Variants in SMCHD1 observed in about 807,000 individuals in gnomAD.
SMCHD1 encodes structural maintenance of chromosomes flexible hinge domain-containing protein 1.
In SMCHD1, 78 loss-of-function variants were observed where a neutral mutation model predicts 254.7. The observed-to-expected ratio is 0.31, with a 90% CI of 0.26 to 0.37. The LOEUF (loss-of-function observed/expected upper bound fraction) is 0.37. Ranked by LOEUF, SMCHD1 falls within the 10% of genes least tolerant of loss-of-function variation. SMCHD1 has a pLI of 1.00. For synonymous variants in SMCHD1, 766 were observed against 794.9 expected, an observed-to-expected ratio of 0.96 and a Z score of 0.61; for missense variants, 1,840 against 2,408.1, an observed-to-expected ratio of 0.76 and a Z score of 4.94.
At chr18:2,707,769 T>G (rs753460324) in intron 16 of SMCHD1, 38 bp from the exon 17 acceptor site, 219 of 1,547,420 alleles carry the variant, frequency 1.4e-4, no homozygotes, top group Non-Finnish European at 1.8e-4. Flanking sequence ...AGCAAATTTT[T>G]GGGTGTAATT....
At chr18:2,770,246 G>A (rs1332173556) in intron 39 of SMCHD1, 138 bp downstream of exon 39, 8 of 777,142 alleles carry the variant, frequency 1.0e-5, no homozygotes, top group Non-Finnish European at 1.6e-5. Context: ...GGTAATGATG[G>A]TTGATACTGT....
chr18:2,728,280 A>T, intron 22 of SMCHD1, 177 bp from the exon 23 acceptor site: 1 of 597,220 alleles, frequency 1.7e-6, no homozygotes. Context: ...CTTGTCATGT[A>T]TTGAATCTGT....
chr18:2,770,924 C>A (rs1441662026), intron 39 of SMCHD1, among the ~76,000 whole-genome samples: 1 of 152,084 alleles, frequency 6.6e-6, no homozygotes, highest in Non-Finnish European at 1.5e-5. Flanking sequence ...ACCCAGCCTA[C>A]GTTTGCTGCA....
rs10601895 is a variant in SMCHD1 at position 2,775,068 on chromosome 18, ATTTTTTTTTTTTTTTT to A, written c.5176-650_5176-635del. 9.4e-4 allele frequency among the ~76,000 whole-genome samples: 69 copies of A among 73,068 alleles called. 1 individual carries two copies. Among genetic ancestry groups the A allele is most frequent in the African/African-American group, 2.5e-3 (56 of 22,422 alleles). 47.9% of individuals were successfully genotyped at this position (73,068 alleles called of 152,430 possible). The stretch of plus-strand genomic sequence containing the variant: ...CCTAGAAACAGAAGCAAAAGGAACA[ATTTTTTTTTTTTTTTT>A]TTTTTTTTTTTTTTTGGAGACAGGG... On this transcript the variant is annotated intron_variant, in intron 41 of 47. Transcript: ENST00000320876.
intron 1 of SMCHD1, among the ~76,000 whole-genome samples, chr18:2,662,205 AAAGAAAG>A (rs1324756022): frequency 2.9e-5 from 1 of 34,814 alleles, no homozygotes; most frequent in Non-Finnish European, 5.2e-5. Context: ...ATAAATAAAG[AAAGAAAG>A]AAAGAAAGAA....
At position 2,675,307 on chromosome 18, in the gene SMCHD1, C is replaced by T. The variant is rs572436080; in HGVS notation, c.638+1162C>T. Reference sequence around the variant, plus strand: ...GGAGACAGAGTCTCGCTCTGTCATCCAGGCTGAAGTGCAGTTGTGCAATCT... The same window carrying T: ...GGAGACAGAGTCTCGCTCTGTCATCTAGGCTGAAGTGCAGTTGTGCAATCT... On this transcript the variant is annotated intron_variant, in intron 5 of 47. Transcript: ENST00000320876. 3.4e-4 allele frequency among the ~76,000 whole-genome samples: 50 copies of T among 148,132 alleles called. 2 individuals carry two copies. In the South Asian group the frequency reaches 9.5e-3, roughly 28 times the overall value.
At chr18:2,762,776 C>G (rs984192837) in intron 36 of SMCHD1, among the ~76,000 whole-genome samples, 2 of 152,188 alleles carry the variant, frequency 1.3e-5, no homozygotes, top group African/African-American at 4.8e-5. Flanking sequence ...CTGTGAACCA[C>G]CACACCCAGC....
chr18:2,766,401 T>G (rs2075869605), intron 37 of SMCHD1, among the ~76,000 whole-genome samples: 1 of 152,204 alleles, frequency 6.6e-6, no homozygotes, highest in South Asian at 2.1e-4. Context: ...CAGCTGTATA[T>G]AAAAATCTCT....
At position 2,682,685 on chromosome 18, in the gene SMCHD1, A is replaced by T. The variant is rs1156275098; in HGVS notation, c.639-5709A>T. 3.3e-5 allele frequency among the ~76,000 whole-genome samples: 5 copies of T among 152,346 alleles called. No individual in the cohort carries two copies. In the East Asian group the frequency reaches 9.6e-4, roughly 29 times the overall value. On this transcript the variant is annotated intron_variant, in intron 5 of 47. Coordinates refer to ENST00000320876, the MANE Select transcript of SMCHD1 (RefSeq NM_015295.3). ...TTGTTTCCATCAAAATTTCCCAAAGATTAAGTGTCCTTTCATTGTATGAAG... is the reference window on the plus strand; with the variant it reads ...TTGTTTCCATCAAAATTTCCCAAAGTTTAAGTGTCCTTTCATTGTATGAAG...
At chr18:2,751,132 C>T (rs2075562876) in intron 32 of SMCHD1, 146 bp from the exon 33 acceptor site, 2 of 546,954 alleles carry the variant, frequency 3.7e-6, no homozygotes, top group Non-Finnish European at 3.1e-6. Flanking sequence ...AGAATTTATA[C>T]ATTTCTTCAT....
In SMCHD1 at chr18:2,679,044, C is replaced by T. The variant is rs1458142046; in HGVS notation, c.638+4899C>T. Among the ~76,000 whole-genome samples, 18 of 151,006 alleles carry T rather than the reference C, an allele frequency of 1.2e-4. No homozygotes were observed. The South Asian group carries it at 1.7e-3, about 14-fold the overall frequency. ...TGTATTTTTAGTAGAGTCGAGGTTTCGCCATATTGGCCAGGCTGGTCTTGA... is the reference window on the plus strand; with the variant it reads ...TGTATTTTTAGTAGAGTCGAGGTTTTGCCATATTGGCCAGGCTGGTCTTGA... On this transcript the variant is annotated intron_variant, in intron 5 of 47. Coordinates refer to ENST00000320876, the MANE Select transcript of SMCHD1 (RefSeq NM_015295.3).
chr18:2,701,069 C>A, intron 12 of SMCHD1, 151 bp downstream of exon 12: 1 of 513,716 alleles, frequency 1.9e-6, no homozygotes, highest in Non-Finnish European at 3.2e-6. Flanking sequence ...GTTCACATTA[C>A]TAAAAAATTT....
Position 2,685,100 on chromosome 18 carries a change from TTC to T in SMCHD1, c.639-3292_639-3291del, listed in dbSNP as rs1306673077. The stretch of plus-strand genomic sequence containing the variant: ...CTGTTCTGTTCTGTCCCTTATTTTT[TTC>T]TTTTTTTTTTTTTTTTGAGACGAGT... On this transcript the variant is annotated intron_variant, in intron 5 of 47. Transcript: ENST00000320876. Among the ~76,000 whole-genome samples the T allele has an allele frequency of 7.7e-5, 10 of 129,112 alleles. 1 individual carries two copies. Among genetic ancestry groups the T allele is most frequent in the Non-Finnish European group, 1.2e-4 (7 of 59,558 alleles). The allele number at this position is 129,112 out of a possible 152,430, so 84.7% of individuals were successfully genotyped here.
chr18:2,774,041 T>C (rs1375882259), intron 41 of SMCHD1, among the ~76,000 whole-genome samples: 17 of 152,214 alleles, frequency 1.1e-4, no homozygotes, highest in African/African-American at 4.1e-4. Flanking sequence ...CTCAAGTAAC[T>C]TAGATATTTT....
intron 30 of SMCHD1, among the ~76,000 whole-genome samples, chr18:2,747,961 G>A (rs895654883): frequency 1.3e-5 from 2 of 152,124 alleles, no homozygotes; most frequent in South Asian, 4.1e-4. Context: ...AGTGAATGAA[G>A]ACAGATATCA....
In SMCHD1 at chr18:2,729,412, A is replaced by G. The variant is rs2075092247; in HGVS notation, c.3048+3A>G. On this transcript the variant is annotated splice_donor_region_variant and intron_variant, in intron 24 of 47. Transcript: ENST00000320876. Reference sequence around the variant, plus strand: ...TTAAAGCAAGAATTGAAATACCTGTAAGTTATTATTGTTACTCATTGATAT... The same window carrying G: ...TTAAAGCAAGAATTGAAATACCTGTGAGTTATTATTGTTACTCATTGATAT... 1.3e-6 allele frequency: 2 copies of G among 1,510,130 alleles called. No homozygotes were observed. The highest frequency in any genetic ancestry group is 2.8e-5 in the African/African-American group (2 of 70,968). 93.5% of individuals were successfully genotyped at this position (1,510,130 alleles called of 1,614,324 possible).
chr18:2,763,751 C>T lies in SMCHD1; in HGVS notation c.4681C>T (p.Leu1561Phe), dbSNP rs1308469029. The change falls in exon 37 of 48, where the codon CTT (leucine) becomes TTT (phenylalanine). Residue 1561 changes from leucine to phenylalanine, a missense_variant. Transcript: ENST00000320876. ...ACTTTTTATTGGGAAAGTTAGAACA[C>T]TTGAATTCCCCTTCGTGAATGGTTC... ...TPLFIGKVRT[L>F]EFPFVNGSAE... 1 of 1,610,554 alleles carries T rather than the reference C, an allele frequency of 6.2e-7. No individual in the cohort carries two copies.
chr18:2,700,403 C>A, intron 10 of SMCHD1, 136 bp from the exon 11 acceptor site: 1 of 922,536 alleles, frequency 1.1e-6, no homozygotes, highest in Non-Finnish European at 1.6e-6. Flanking sequence ...CTTTGTAAAC[C>A]TACCTTTTTG....
In SMCHD1 at chr18:2,763,805, C is replaced by A. The variant is rs776338262; in HGVS notation, c.4719+16C>A. 6 of 1,599,910 alleles carry A rather than the reference C, an allele frequency of 3.8e-6. No individual in the cohort carries two copies. The East Asian group carries it at 9.0e-5, about 24-fold the overall frequency. ...TGAAATCATGGTAAATTTTTTATAT[C>A]TTTTGGTAGATAGAATTTCTGTATT... On this transcript the variant is annotated intron_variant, in intron 37 of 47. Transcript: ENST00000320876.
Sources: allele counts gnomAD v4.1 joint callset (sites outside exome capture counted in the v4.1 genomes callset), GRCh38; gene constraint gnomAD v4.1.1; transcripts MANE v1.5; gene names NCBI Gene and HGNC (gene_info 2026-07-23, HGNC 2026-07-21).